The following RIMS4 variants were observed in gnomAD, a reference collection of about 807,000 sequenced individuals.
RIMS4 encodes regulating synaptic membrane exocytosis 4, also known as regulating synaptic membrane exocytosis protein 4.
A neutral mutation model predicts 29.0 loss-of-function variants in RIMS4; 9 were observed. That is an observed-to-expected ratio of 0.31 (90% CI 0.19 to 0.54). The LOEUF (loss-of-function observed/expected upper bound fraction) is 0.54, where lower values mean the gene tolerates loss of function less well. Ranked by LOEUF, RIMS4 falls within the 20% of genes least tolerant of loss-of-function variation. RIMS4 has a pLI of 0.94. For missense variants in RIMS4, 193 were observed against 365.7 expected (o/e 0.53, Z 3.85); for synonymous variants, 130 against 152.9 (o/e 0.85, Z 1.10).
chr20:44,806,611 C>T (rs549992105), intron 1 of RIMS4, among the ~76,000 whole-genome samples: 75 of 152,308 alleles, frequency 4.9e-4, no homozygotes, highest in South Asian at 6.2e-4. Flanking sequence ...TTCTTTTCTA[C>T]AGTCATGTTC....
chr20:44,799,746 A>G (rs1318387162), intron 1 of RIMS4, among the ~76,000 whole-genome samples: 1 of 152,196 alleles, frequency 6.6e-6, no homozygotes, highest in African/African-American at 2.4e-5. Context: ...CTCAGGGGAC[A>G]GGGAGAGATC....
intron 2 of RIMS4, among the ~76,000 whole-genome samples, chr20:44,758,407 T>C (rs980329859): frequency 3.3e-5 from 5 of 152,142 alleles, no homozygotes; most frequent in Non-Finnish European, 7.4e-5. Context: ...ATTAGATACA[T>C]AGAACTGCAG....
intron 1 of RIMS4, among the ~76,000 whole-genome samples, chr20:44,808,682 T>C (rs1374971058): frequency 6.6e-6 from 1 of 152,152 alleles, no homozygotes; most frequent in African/African-American, 2.4e-5. Context: ...CATCCCCACC[T>C]CCAGGTCAAT....
intron 1 of RIMS4, among the ~76,000 whole-genome samples, chr20:44,783,753 G>A (rs139198939): frequency 7.2e-5 from 11 of 152,108 alleles, no homozygotes; most frequent in Admixed American, 5.9e-4. Context: ...ATGACTCTAC[G>A]TATTTGAAAT....
chr20:44,798,377 C>T (rs60357848), intron 1 of RIMS4, among the ~76,000 whole-genome samples: 37,249 of 152,142 alleles, frequency 0.24, 5,125 homozygotes, highest in East Asian at 0.42. Context: ...GAAGTCCATC[C>T]AGATGCTCAA....
chr20:44,752,244 C>G lies in RIMS4; in HGVS notation c.*3890G>C. Reference sequence around the variant, plus strand: ...GGGCCTCGGAGACACCATAGGGGAACAGGGAGAGGGGCTCGGTCCCTGGGC... The same window carrying G: ...GGGCCTCGGAGACACCATAGGGGAAGAGGGAGAGGGGCTCGGTCCCTGGGC... On this transcript the variant is annotated 3_prime_UTR_variant, in exon 6 of 6. Transcript: ENST00000372851. The G allele has an allele frequency of 6.6e-6, 1 of 152,288 alleles. No homozygotes were observed. The highest frequency in any genetic ancestry group is 1.9e-4 in the East Asian group (1 of 5,204). The allele number at this position is 152,288 out of a possible 1,614,324, so 9.4% of individuals were successfully genotyped here.
At position 44,752,068 on chromosome 20, in the gene RIMS4, C is replaced by T. The variant is rs1357761190; in HGVS notation, c.*4066G>A. 2 of 152,218 alleles carry T rather than the reference C, an allele frequency of 1.3e-5. No homozygotes were observed. Among genetic ancestry groups the T allele is most frequent in the Non-Finnish European group, 2.9e-5 (2 of 68,082 alleles). The allele number at this position is 152,218 out of a possible 1,614,324, so 9.4% of individuals were successfully genotyped here. A position where few individuals can be genotyped will look rare whatever the true frequency, so the allele number is the denominator to read the frequency against. ...GGGCTCCAGAGGTGATGCTCACAGC[C>T]CTGGGTTCGGCTCCATTCTGACCTC... On this transcript the variant is annotated 3_prime_UTR_variant, in exon 6 of 6. Coordinates refer to ENST00000372851, the MANE Select transcript of RIMS4 (RefSeq NM_182970.4).
chr20:44,771,254 G>C, intron 2 of RIMS4, 21 bp downstream of exon 2: 1 of 1,595,888 alleles, frequency 6.3e-7, no homozygotes, highest in Non-Finnish European at 8.6e-7. Context: ...GAACCAGGAG[G>C]GCTGGTGGCC....
At chr20:44,764,163 C>CATTT (rs1393741831) in intron 2 of RIMS4, among the ~76,000 whole-genome samples, 63 of 132,534 alleles carry the variant, frequency 4.8e-4, no homozygotes, top group South Asian at 9.7e-4. Flanking sequence ...TCCATCCATC[C>CATTT]ATCCATCCAT....
chr20:44,769,623 T>TTCC (rs376688441), intron 2 of RIMS4, among the ~76,000 whole-genome samples: 20 of 152,092 alleles, frequency 1.3e-4, no homozygotes, highest in Admixed American at 4.6e-4. Context: ...ACTGGCTCCC[T>TTCC]TCCTCCTCCT....
chr20:44,763,997 T>C (rs1200769420), intron 2 of RIMS4, among the ~76,000 whole-genome samples: 1 of 151,426 alleles, frequency 6.6e-6, no homozygotes. Flanking sequence ...TATCACTTCA[T>C]CCATCCATCC....
chr20:44,754,141 A>G lies in RIMS4; in HGVS notation c.*1993T>C, dbSNP rs1365876730. On this transcript the variant is annotated 3_prime_UTR_variant, in exon 6 of 6. Transcript: ENST00000372851. Reference sequence around the variant, plus strand: ...AGAAAAACAAACAGGCAAGGGGCCAATTCTGTGCCTTGAATGCGAATCCCT... The same window carrying G: ...AGAAAAACAAACAGGCAAGGGGCCAGTTCTGTGCCTTGAATGCGAATCCCT... 6.6e-6 allele frequency: 1 copy of G among 152,262 alleles called. No homozygotes were observed. Among genetic ancestry groups the G allele is most frequent in the Non-Finnish European group, 1.5e-5 (1 of 68,066 alleles). 9.4% of individuals were successfully genotyped at this position (152,262 alleles called of 1,614,324 possible).
intron 1 of RIMS4, among the ~76,000 whole-genome samples, chr20:44,789,105 G>A (rs995248050): frequency 4.6e-5 from 7 of 151,756 alleles, no homozygotes; most frequent in Non-Finnish European, 8.8e-5. Flanking sequence ...GACACAGCAA[G>A]GTTATGTCAT....
At chr20:44,765,046 C>T (rs1322251876) in intron 2 of RIMS4, among the ~76,000 whole-genome samples, 1 of 152,172 alleles carries the variant, frequency 6.6e-6, no homozygotes, top group Non-Finnish European at 1.5e-5. Flanking sequence ...ATTTAATCCT[C>T]TTAACAACTC....
At chr20:44,761,153 C>A (rs547230104) in intron 2 of RIMS4, among the ~76,000 whole-genome samples, 2 of 152,198 alleles carry the variant, frequency 1.3e-5, no homozygotes, top group Non-Finnish European at 2.9e-5. Flanking sequence ...AGATTAGCAA[C>A]AGCGAACTCC....
At chr20:44,791,610 C>A (rs552926379) in intron 1 of RIMS4, among the ~76,000 whole-genome samples, 2 of 152,138 alleles carry the variant, frequency 1.3e-5, no homozygotes, top group African/African-American at 2.4e-5. Context: ...CCACAAATGG[C>A]GACTCTCCCA....
intron 1 of RIMS4, among the ~76,000 whole-genome samples, chr20:44,798,689 G>A (rs1373065221): frequency 3.9e-5 from 6 of 152,170 alleles, no homozygotes; most frequent in African/African-American, 1.4e-4. Flanking sequence ...ATGCCCTCGG[G>A]GGACTACCCT....
chr20:44,766,204 C>A (rs1257160339), intron 2 of RIMS4, among the ~76,000 whole-genome samples: 1 of 152,158 alleles, frequency 6.6e-6, no homozygotes, highest in Non-Finnish European at 1.5e-5. Flanking sequence ...AGCTCTCCTG[C>A]CAAGCCTGGA....
At position 44,754,973 on chromosome 20, in the gene RIMS4, G is replaced by A. The variant is rs1303698366; in HGVS notation, c.*1161C>T. On this transcript the variant is annotated 3_prime_UTR_variant, in exon 6 of 6. Transcript: ENST00000372851. ...GCCCCAGGGAGGGCTGGGCTGGGAA[G>A]GCAGCTACCCAGGCCTGCTGGAAAA... is the stretch of plus-strand genomic sequence containing the variant. 1 of 152,670 alleles carries A rather than the reference G, an allele frequency of 6.6e-6. No homozygotes were observed. The highest frequency in any genetic ancestry group is 2.4e-5 in the African/African-American group (1 of 41,452). 9.5% of individuals were successfully genotyped at this position (152,670 alleles called of 1,614,324 possible). A position where few individuals can be genotyped will look rare whatever the true frequency, so the allele number is the denominator to read the frequency against.
Sources: allele counts gnomAD v4.1 joint callset (sites outside exome capture counted in the v4.1 genomes callset), GRCh38; gene constraint gnomAD v4.1.1; transcripts MANE v1.5; gene names NCBI Gene and HGNC (gene_info 2026-07-23, HGNC 2026-07-21).